Variants in WWTR1 observed in about 807,000 individuals in gnomAD.
The protein encoded by WWTR1 is WW domain-containing transcription regulator protein 1.
In WWTR1, 13 loss-of-function variants were observed where a neutral mutation model predicts 40.1. That is an observed-to-expected ratio of 0.32 (90% CI 0.21 to 0.52). The LOEUF is 0.52. Ranked by LOEUF, WWTR1 falls within the 20% of genes least tolerant of loss-of-function variation. WWTR1 has a pLI of 0.97. For missense variants in WWTR1, 436 were observed against 523.1 expected (o/e 0.83, Z 1.63); for synonymous variants, 230 against 210.1 (o/e 1.09, Z -0.82).
chr3:149,547,223 A>AT (rs1368313733), intron 3 of WWTR1, among the ~76,000 whole-genome samples: 224 of 50,970 alleles, frequency 4.4e-3, no homozygotes, highest in Non-Finnish European at 6.5e-3. Flanking sequence ...CAATAGTTCC[A>AT]TTAAAAAAAA....
chr3:149,630,189 T>G (rs60788209), intron 2 of WWTR1, among the ~76,000 whole-genome samples: 1 of 152,132 alleles, frequency 6.6e-6, no homozygotes, highest in African/African-American at 2.4e-5. Context: ...GTGCGTTTTT[T>G]TCTTCTGTAA....
chr3:149,556,375 TC>T (rs1215043678), intron 3 of WWTR1, among the ~76,000 whole-genome samples: 1 of 152,058 alleles, frequency 6.6e-6, no homozygotes, highest in African/African-American at 2.4e-5. Flanking sequence ...GGTCAGGAGT[TC>T]CAGACCAGCC....
intron 1 of WWTR1, among the ~76,000 whole-genome samples, chr3:149,700,719 G>A (rs1715142744): frequency 6.6e-6 from 1 of 152,146 alleles, no homozygotes; most frequent in South Asian, 2.1e-4. Context: ...AGATAACACT[G>A]GGAATGGGAT....
At chr3:149,596,712 G>A (rs540234556) in intron 2 of WWTR1, among the ~76,000 whole-genome samples, 2 of 152,326 alleles carry the variant, frequency 1.3e-5, no homozygotes, top group South Asian at 2.1e-4. Context: ...GCGCAATGGC[G>A]AATCTTGTTT....
rs147184521 is a variant in WWTR1 at position 149,522,981 on chromosome 3, G to T, written c.1019-1992C>A. Among the ~76,000 whole-genome samples the T allele has an allele frequency of 2.1e-3, 318 of 151,262 alleles. 3 individuals are homozygous for T. In the East Asian group the frequency reaches 0.021, roughly 10 times the overall value. On this transcript the variant is annotated intron_variant, in intron 6 of 6. Transcript: ENST00000360632. ...CTCAGGAGGCTGAGGCCCGAGACTCGTTTGAATCCAGGAGGTAGAGGTTGC... is the reference window on the plus strand; with the variant it reads ...CTCAGGAGGCTGAGGCCCGAGACTCTTTTGAATCCAGGAGGTAGAGGTTGC...
chr3:149,593,481 T>C (rs558426726), intron 2 of WWTR1, among the ~76,000 whole-genome samples: 2 of 152,270 alleles, frequency 1.3e-5, no homozygotes, highest in Admixed American at 1.3e-4. Context: ...CCTTTGAGAA[T>C]TACTAATTAA....
At chr3:149,532,196 T>C (rs545456944) in intron 4 of WWTR1, among the ~76,000 whole-genome samples, 2 of 152,354 alleles carry the variant, frequency 1.3e-5, no homozygotes, top group African/African-American at 2.4e-5. Flanking sequence ...ACAAGGTGCT[T>C]AGAACAGTGC....
At chr3:149,590,931 A>G (rs1206023658) in intron 2 of WWTR1, among the ~76,000 whole-genome samples, 1 of 150,212 alleles carries the variant, frequency 6.7e-6, no homozygotes, top group Non-Finnish European at 1.5e-5. Context: ...ATAACACACC[A>G]CCATCCCTCC....
At chr3:149,605,924 G>A (rs1739459416) in intron 2 of WWTR1, among the ~76,000 whole-genome samples, 1 of 152,142 alleles carries the variant, frequency 6.6e-6, no homozygotes, top group Non-Finnish European at 1.5e-5. Context: ...GTGAATGTCT[G>A]TGTCCCCACC....
intron 1 of WWTR1, chr3:149,701,716 T>C (rs1329735774): frequency 5.7e-6 from 1 of 175,596 alleles, no homozygotes; most frequent in African/African-American, 2.4e-5. Flanking sequence ...TTAGTTTTGC[T>C]TTCTTTTTTG....
chr3:149,618,150 C>T (rs187907002), intron 2 of WWTR1, among the ~76,000 whole-genome samples: 42 of 152,324 alleles, frequency 2.8e-4, no homozygotes, highest in Admixed American at 2.4e-3. Context: ...AAAGATAAAG[C>T]CTGTGCTCTT....
intron 6 of WWTR1, 122 bp downstream of exon 6, chr3:149,525,891 C>A: frequency 3.4e-6 from 2 of 589,632 alleles, no homozygotes; most frequent in South Asian, 9.4e-5. Context: ...CATGTACCCC[C>A]AAATATAAAA....
intron 1 of WWTR1, among the ~76,000 whole-genome samples, chr3:149,679,772 G>A (rs1156933394): frequency 6.6e-6 from 1 of 152,140 alleles, no homozygotes. Flanking sequence ...CTCTCAGGTG[G>A]AATAATGATA....
chr3:149,579,866 C>T (rs1326604648), intron 2 of WWTR1, among the ~76,000 whole-genome samples: 1 of 152,184 alleles, frequency 6.6e-6, no homozygotes, highest in Non-Finnish European at 1.5e-5. Flanking sequence ...CTTCTTGTGA[C>T]TCAGTCCAAT....
At chr3:149,694,525 C>T (rs1714920383) in intron 1 of WWTR1, among the ~76,000 whole-genome samples, 1 of 152,142 alleles carries the variant, frequency 6.6e-6, no homozygotes, top group Non-Finnish European at 1.5e-5. Flanking sequence ...TCTAAACAGA[C>T]ATTTCTCAAA....
chr3:149,574,861 G>A (rs1258238340), intron 2 of WWTR1, among the ~76,000 whole-genome samples: 1 of 151,646 alleles, frequency 6.6e-6, no homozygotes, highest in African/African-American at 2.4e-5. Context: ...TTGGGAGGCC[G>A]AGGCGGGTGG....
At chr3:149,692,857 A>G (rs1351109405) in intron 1 of WWTR1, among the ~76,000 whole-genome samples, 1 of 151,838 alleles carries the variant, frequency 6.6e-6, no homozygotes, top group African/African-American at 2.4e-5. Flanking sequence ...CTGGTCGTGA[A>G]CTCCTGACCT....
chr3:149,580,692 C>A (rs7627120), intron 2 of WWTR1, among the ~76,000 whole-genome samples: 2 of 152,246 alleles, frequency 1.3e-5, no homozygotes, highest in Non-Finnish European at 2.9e-5. Flanking sequence ...CAGCTCCCTG[C>A]AGCCTCTGCC....
intron 2 of WWTR1, among the ~76,000 whole-genome samples, chr3:149,596,738 C>T (rs1050034712): frequency 1.3e-5 from 2 of 152,190 alleles, no homozygotes; most frequent in African/African-American, 2.4e-5. Flanking sequence ...TAAGATCTGC[C>T]GCTTACTAGC....
Sources: allele counts gnomAD v4.1 joint callset (sites outside exome capture counted in the v4.1 genomes callset), GRCh38; gene constraint gnomAD v4.1.1; transcripts MANE v1.5; gene names NCBI Gene and HGNC (gene_info 2026-07-23, HGNC 2026-07-21).